Variants in MB21D2 observed in about 807,000 individuals in gnomAD.
MB21D2 encodes Mab-21 domain containing 2.
Under a neutral mutation model 33.3 loss-of-function variants are expected in MB21D2, and 9 were observed. The ratio of observed to expected loss-of-function variants is 0.27; its 90% CI spans 0.16 to 0.47. The LOEUF (loss-of-function observed/expected upper bound fraction) is 0.47, where lower values mean the gene tolerates loss of function less well. Ranked by LOEUF, MB21D2 falls within the 20% of genes least tolerant of loss-of-function variation. The probability of loss-of-function intolerance (pLI) is 0.99; values close to 1 mark genes in which losing one functional copy is unlikely to be tolerated. For missense variants in MB21D2, 540 were observed against 624.6 expected, an observed-to-expected ratio of 0.86 and a Z score of 1.44; for synonymous variants, 241 against 236.3, an observed-to-expected ratio of 1.02 and a Z score of -0.18.
rs71635401 is a variant in MB21D2 at position 192,901,413 on chromosome 3, C to CAAAAAAAAAAAAAAAAAAAA, written c.211+16197_211+16216dup. Among the ~76,000 whole-genome samples, 6 of 100,882 alleles carry CAAAAAAAAAAAAAAAAAAAA rather than the reference C, an allele frequency of 5.9e-5. 1 individual carries two copies. Among genetic ancestry groups the CAAAAAAAAAAAAAAAAAAAA allele is most frequent in the Non-Finnish European group, 9.6e-5 (5 of 51,842 alleles). 66.2% of individuals were successfully genotyped at this position (100,882 alleles called of 152,430 possible). ...TGAAACCCCGTCTCTACTAAAAATT[C>CAAAAAAAAAAAAAAAAAAAA]AAAAAAAAAAAAAAAAAAAAAGACT... On this transcript the variant is annotated intron_variant, in intron 1 of 1. Transcript: ENST00000392452.
intron 1 of MB21D2, among the ~76,000 whole-genome samples, chr3:192,807,954 A>G: frequency 6.8e-6 from 1 of 146,046 alleles, no homozygotes; most frequent in Non-Finnish European, 1.5e-5. Context: ...ATGACCATCA[A>G]GGGTGAGTGG....
intron 1 of MB21D2, among the ~76,000 whole-genome samples, chr3:192,833,956 G>C (rs182660389): frequency 6.6e-6 from 1 of 152,194 alleles, no homozygotes; most frequent in East Asian, 1.9e-4. Context: ...CTCACAATAT[G>C]GCATCACAAA....
intron 1 of MB21D2, among the ~76,000 whole-genome samples, chr3:192,806,487 G>T (rs1303531492): frequency 1.3e-5 from 2 of 152,076 alleles, no homozygotes; most frequent in African/African-American, 4.8e-5. Context: ...GTTGTTCAAG[G>T]GTCAACCGTG....
intron 1 of MB21D2, among the ~76,000 whole-genome samples, chr3:192,857,027 AAAAAG>A (rs1712932482): frequency 6.6e-6 from 1 of 152,228 alleles, no homozygotes; most frequent in Admixed American, 6.5e-5. Context: ...GCAAACAAGA[AAAAAG>A]TACTTGCACT....
At chr3:192,829,303 G>C (rs1359925317) in intron 1 of MB21D2, among the ~76,000 whole-genome samples, 1 of 152,146 alleles carries the variant, frequency 6.6e-6, no homozygotes, top group African/African-American at 2.4e-5. Flanking sequence ...CTGGGTTTTT[G>C]CTAATATGAA....
intron 1 of MB21D2, among the ~76,000 whole-genome samples, chr3:192,878,634 C>T (rs750923379): frequency 6.6e-6 from 1 of 152,156 alleles, no homozygotes; most frequent in Non-Finnish European, 1.5e-5. Context: ...TTCTACTTTT[C>T]GGTCCTCGGC....
intron 1 of MB21D2, among the ~76,000 whole-genome samples, chr3:192,911,909 C>T (rs1162737956): frequency 6.6e-6 from 1 of 152,192 alleles, no homozygotes; most frequent in Non-Finnish European, 1.5e-5. Context: ...ATAGTGAATA[C>T]AACTCTCGGG....
chr3:192,904,646 G>A (rs1271688096), intron 1 of MB21D2, among the ~76,000 whole-genome samples: 4 of 152,106 alleles, frequency 2.6e-5, no homozygotes, highest in South Asian at 2.1e-4. Context: ...TGGAAGTGGG[G>A]CCTGGCCATC....
At chr3:192,904,078 T>C (rs1485558646) in intron 1 of MB21D2, among the ~76,000 whole-genome samples, 1 of 152,178 alleles carries the variant, frequency 6.6e-6, no homozygotes, top group Non-Finnish European at 1.5e-5. Context: ...GTGTTGGTGT[T>C]AGGACTGATT....
In MB21D2 at chr3:192,903,807, G is replaced by C. The variant is rs139519980; in HGVS notation, c.211+13823C>G. The stretch of plus-strand genomic sequence containing the variant: ...CTCACTCTGAGCTGTTGAGAGATCT[G>C]GTCATTTAAAAGTATGGGGGCACCT... On this transcript the variant is annotated intron_variant, in intron 1 of 1. Coordinates refer to ENST00000392452, the MANE Select transcript of MB21D2 (RefSeq NM_178496.4). Among the ~76,000 whole-genome samples, 326 of 152,288 alleles carry C rather than the reference G, an allele frequency of 2.1e-3. 2 individuals carry two copies. Among genetic ancestry groups the C allele is most frequent in the African/African-American group, 7.5e-3 (312 of 41,558 alleles).
chr3:192,822,872 AG>A (rs1263180806), intron 1 of MB21D2, among the ~76,000 whole-genome samples: 1 of 152,148 alleles, frequency 6.6e-6, no homozygotes, highest in Non-Finnish European at 1.5e-5. Flanking sequence ...TTCTTAAACG[AG>A]CACTCCGACA....
At chr3:192,810,668 T>C (rs1711764444) in intron 1 of MB21D2, among the ~76,000 whole-genome samples, 1 of 152,246 alleles carries the variant, frequency 6.6e-6, no homozygotes, top group African/African-American at 2.4e-5. Flanking sequence ...GCCATTCTTA[T>C]TTCATTTATC....
chr3:192,915,315 AT>A (rs934907760), intron 1 of MB21D2, among the ~76,000 whole-genome samples: 13 of 152,306 alleles, frequency 8.5e-5, no homozygotes, highest in African/African-American at 1.7e-4. Flanking sequence ...TATAAAAAAA[AT>A]GATTTTGTTC....
chr3:192,829,657 G>A (rs187540148), intron 1 of MB21D2, among the ~76,000 whole-genome samples: 136 of 152,190 alleles, frequency 8.9e-4, no homozygotes, highest in Middle Eastern at 3.4e-3. Flanking sequence ...ACAGGATCTC[G>A]CTCTGTTTCC....
At chr3:192,863,710 C>T (rs11928484) in intron 1 of MB21D2, among the ~76,000 whole-genome samples, 5,412 of 152,122 alleles carry the variant, frequency 0.036, 125 homozygotes, top group Non-Finnish European at 0.043. Flanking sequence ...GAGATGGAGC[C>T]TCCAGGAAGA....
rs754825037 is a variant in MB21D2 at position 192,917,700 on chromosome 3, G to A, written c.141C>T (p.Asp47=). Residue 47 remains aspartate (D), a synonymous_variant, in exon 1 of 2, where the codon GAC becomes GAT. Coordinates refer to ENST00000392452, the MANE Select transcript of MB21D2 (RefSeq NM_178496.4). ...NKLIQEFTKH[D]QREYDDQRAL... is the part of the protein sequence containing the mutation. ...CTCTCTGGTCGTCGTATTCCCGCTGGTCGTGCTTCGTAAATTCTTGGATGA... is the reference window on the plus strand; with the variant it reads ...CTCTCTGGTCGTCGTATTCCCGCTGATCGTGCTTCGTAAATTCTTGGATGA... 1.9e-6 allele frequency: 3 copies of A among 1,614,122 alleles called. No homozygotes were observed. The South Asian group carries it at 3.3e-5, about 18-fold the overall frequency.
chr3:192,910,365 G>A (rs1714327986), intron 1 of MB21D2, among the ~76,000 whole-genome samples: 1 of 151,724 alleles, frequency 6.6e-6, no homozygotes, highest in South Asian at 2.1e-4. Context: ...GTGGTCCCAG[G>A]TACTTGGGAT....
At chr3:192,905,180 G>A (rs1272669011) in intron 1 of MB21D2, among the ~76,000 whole-genome samples, 2 of 152,234 alleles carry the variant, frequency 1.3e-5, no homozygotes, top group African/African-American at 2.4e-5. Flanking sequence ...GGCACAGGCA[G>A]ACTTACAGTC....
At chr3:192,870,589 G>T (rs983094006) in intron 1 of MB21D2, among the ~76,000 whole-genome samples, 1 of 151,632 alleles carries the variant, frequency 6.6e-6, no homozygotes, top group Non-Finnish European at 1.5e-5. Context: ...GGACATGGTG[G>T]TGCAAGCCTG....
Sources: gnomAD v4.1 joint callset for allele counts (sites outside exome capture counted in the v4.1 genomes callset) on GRCh38, gnomAD v4.1.1 for gene constraint, MANE v1.5 for transcripts, NCBI Gene and HGNC (gene_info 2026-07-23, HGNC 2026-07-21) for gene names.